The following LCORL variants were observed in gnomAD, a reference collection of about 807,000 sequenced individuals.
The protein encoded by LCORL is ligand-dependent nuclear receptor corepressor-like protein.
Under a neutral mutation model 141.8 loss-of-function variants are expected in LCORL, and 41 were observed. The observed-to-expected ratio is 0.29, with a 90% CI of 0.23 to 0.38. The LOEUF is 0.38. Ranked by LOEUF, LCORL falls within the 10% of genes least tolerant of loss-of-function variation. The pLI, the probability that LCORL is intolerant of heterozygous loss-of-function variation, is 1.00. For synonymous variants in LCORL, 618 were observed against 694.1 expected, an observed-to-expected ratio of 0.89 and a Z score of 1.72; for missense variants, 1,759 against 2,035.0, an observed-to-expected ratio of 0.86 and a Z score of 2.61.
At chr4:17,843,656 G>T in exon 8 of LCORL, 2 of 331,348 alleles carry the variant, frequency 6.0e-6, no homozygotes, top group South Asian at 6.1e-5. Context: ...ATCTGAGGTG[G>T]GCCTAGGAAT....
chr4:18,013,980 G>T (rs1455048606), intron 1 of LCORL, among the ~76,000 whole-genome samples: 1 of 151,946 alleles, frequency 6.6e-6, no homozygotes, highest in African/African-American at 2.4e-5. Flanking sequence ...GCTAATTTTT[G>T]TATTTTTATT....
chr4:17,913,030 AG>A, intron 4 of LCORL: 1 of 246,368 alleles, frequency 4.1e-6, no homozygotes, highest in Non-Finnish European at 8.0e-6. Flanking sequence ...TAAAAAGTTC[AG>A]GGGTCAAAAA....
chr4:17,927,497 C>T (rs1316482778), intron 4 of LCORL, among the ~76,000 whole-genome samples: 3 of 152,166 alleles, frequency 2.0e-5, no homozygotes, highest in African/African-American at 7.2e-5. Context: ...TAGCTTTTGG[C>T]CTATCCTGAC....
intron 7 of LCORL, among the ~76,000 whole-genome samples, chr4:17,849,301 A>C (rs964586246): frequency 6.6e-6 from 1 of 152,152 alleles, no homozygotes; most frequent in Non-Finnish European, 1.5e-5. Context: ...GACACCTCAC[A>C]CGGCCGGGTA....
chr4:17,852,585 A>G (rs150869748), intron 7 of LCORL, among the ~76,000 whole-genome samples: 1 of 152,146 alleles, frequency 6.6e-6, no homozygotes, highest in Non-Finnish European at 1.5e-5. Flanking sequence ...CCTCTTCTCT[A>G]TCAAACTAGG....
intron 7 of LCORL, among the ~76,000 whole-genome samples, chr4:17,871,108 C>T (rs1726285938): frequency 6.6e-6 from 1 of 151,814 alleles, no homozygotes; most frequent in South Asian, 2.1e-4. Context: ...TGAGTTTTAG[C>T]ATCATTTCCA....
intron 6 of LCORL, chr4:17,882,610 AAACTGCAAATTTGGTTATTAGC>A: frequency 3.0e-6 from 3 of 984,696 alleles, no homozygotes; most frequent in Non-Finnish European, 3.6e-6. Flanking sequence ...GACCCTGAAC[AAACTGCAAATTTGGTTATTAGC>A]AAAATGATAA....
exon 7 of LCORL, chr4:17,876,053 A>C: frequency 2.4e-6 from 3 of 1,231,104 alleles, no homozygotes; most frequent in Non-Finnish European, 3.0e-6. Flanking sequence ...TGCCAACTGA[A>C]GTTAAAGTAT....
chr4:17,843,458 A>G, exon 8 of LCORL: 1 of 1,602,022 alleles, frequency 6.2e-7, no homozygotes, highest in East Asian at 2.2e-5. Context: ...CTTTAAGATT[A>G]TGTCCAGTTA....
At chr4:17,883,998 C>G (rs565888619) in intron 6 of LCORL, 1 of 1,550,812 alleles carries the variant, frequency 6.4e-7, no homozygotes, top group East Asian at 2.4e-5. Flanking sequence ...TGCTTACTGT[C>G]TTTTCGATCT....
At chr4:17,881,911 AT>A in intron 6 of LCORL, 1 of 983,360 alleles carries the variant, frequency 1.0e-6, no homozygotes, top group South Asian at 4.7e-5. Flanking sequence ...ATATGGCTTA[AT>A]TCTTTAAAAA....
chr4:17,863,497 G>C (rs1725256142), intron 7 of LCORL, among the ~76,000 whole-genome samples: 2 of 152,144 alleles, frequency 1.3e-5, no homozygotes, highest in African/African-American at 4.8e-5. Context: ...AAAAATAACA[G>C]ATGCTGGCAA....
chr4:17,910,612 T>C (rs1441026341), intron 4 of LCORL, among the ~76,000 whole-genome samples: 1 of 152,162 alleles, frequency 6.6e-6, no homozygotes, highest in East Asian at 1.9e-4. Flanking sequence ...CCAAACAGCA[T>C]CTATCATTAG....
intron 5 of LCORL, among the ~76,000 whole-genome samples, chr4:17,905,424 T>C (rs899541370): frequency 6.6e-6 from 1 of 152,172 alleles, no homozygotes; most frequent in Non-Finnish European, 1.5e-5. Flanking sequence ...TACCTCACTT[T>C]ACTCAATTTG....
intron 5 of LCORL, among the ~76,000 whole-genome samples, chr4:17,890,694 A>G (rs1728945249): frequency 6.6e-6 from 1 of 152,138 alleles, no homozygotes; most frequent in East Asian, 1.9e-4. Context: ...AAGATAAGCC[A>G]ATCTAATCTT....
intron 1 of LCORL, chr4:18,020,643 G>A (rs568327258): frequency 6.6e-6 from 1 of 152,118 alleles, no homozygotes; most frequent in African/African-American, 2.4e-5. Context: ...AATCCACAGG[G>A]TGAGAGCCCC....
At chr4:17,935,909 A>G (rs1736775897) in intron 4 of LCORL, among the ~76,000 whole-genome samples, 1 of 152,202 alleles carries the variant, frequency 6.6e-6, no homozygotes, top group African/African-American at 2.4e-5. Context: ...TTGAAAAGCA[A>G]TTTTGGAATT....
At chr4:18,008,798 T>C (rs972218254) in intron 1 of LCORL, among the ~76,000 whole-genome samples, 3 of 152,186 alleles carry the variant, frequency 2.0e-5, no homozygotes, top group African/African-American at 7.2e-5. Flanking sequence ...CTAACTATGG[T>C]AGTTAGGGCT....
intron 7 of LCORL, among the ~76,000 whole-genome samples, chr4:17,873,012 T>A (rs78439738): frequency 6.6e-6 from 1 of 152,142 alleles, no homozygotes; most frequent in African/African-American, 2.4e-5. Flanking sequence ...TAGTTTATAG[T>A]GTGGTACTTA....
Sources: gnomAD v4.1 joint callset for allele counts (sites outside exome capture counted in the v4.1 genomes callset) on GRCh38, gnomAD v4.1.1 for gene constraint, MANE v1.5 for transcripts, NCBI Gene and HGNC (gene_info 2026-07-23, HGNC 2026-07-21) for gene names.